NINL: variants seen among roughly 807,000 people sequenced by gnomAD.
The protein encoded by NINL is ninein like.
In NINL, 153 loss-of-function variants were observed where a neutral mutation model predicts 160.3. The observed-to-expected ratio is 0.95, with a 90% CI of 0.84 to 1.09. The LOEUF (loss-of-function observed/expected upper bound fraction) is 1.09. Ranked by LOEUF, NINL falls within the 50% of genes least tolerant of loss-of-function variation. The pLI is 0.00. For synonymous variants in NINL, 800 were observed against 734.8 expected, an observed-to-expected ratio of 1.09 and a Z score of -1.43; for missense variants, 1,829 against 1,764.0, an observed-to-expected ratio of 1.04 and a Z score of -0.66.
rs572182760 is a variant in NINL at position 25,518,706 on chromosome 20, C to T, written c.181-857G>A. On this transcript the variant is annotated intron_variant, in intron 2 of 23. Coordinates refer to ENST00000278886, the MANE Select transcript of NINL (RefSeq NM_025176.6). Reference sequence around the variant, plus strand: ...TTTACTGGATTTAAACTGACTATTTCGCTTTCTGCTTTCAATTTGACTTGC... The same window carrying T: ...TTTACTGGATTTAAACTGACTATTTTGCTTTCTGCTTTCAATTTGACTTGC... Among the ~76,000 whole-genome samples the T allele has an allele frequency of 3.3e-5, 5 of 152,234 alleles. No individual in the cohort carries two copies. In the East Asian group the frequency reaches 5.8e-4, roughly 18 times the overall value.
At chr20:25,515,797 GTCTC>G (rs1255827961) in intron 3 of NINL, among the ~76,000 whole-genome samples, 2 of 152,020 alleles carry the variant, frequency 1.3e-5, no homozygotes, top group Non-Finnish European at 2.9e-5. Flanking sequence ...TTGAGACAGA[GTCTC>G]TCTCTGTCAC....
chr20:25,578,110 G>T (rs563192056), intron 1 of NINL, among the ~76,000 whole-genome samples: 1 of 151,550 alleles, frequency 6.6e-6, no homozygotes, highest in East Asian at 2.0e-4. Flanking sequence ...GGGATTACAG[G>T]CGTGATTTTT....
chr20:25,537,889 C>T (rs999608919), intron 1 of NINL, among the ~76,000 whole-genome samples: 12 of 151,262 alleles, frequency 7.9e-5, no homozygotes, highest in African/African-American at 2.2e-4. Flanking sequence ...AACTGCACAC[C>T]TATACTTGCA....
At chr20:25,517,913 A>C in intron 2 of NINL, 64 bp from the exon 3 acceptor site, 1 of 993,310 alleles carries the variant, frequency 1.0e-6, no homozygotes. Context: ...TTCAAAAGTG[A>C]CTCTTTTGGA....
At chr20:25,555,804 A>G (rs924349551) in intron 1 of NINL, among the ~76,000 whole-genome samples, 6 of 152,144 alleles carry the variant, frequency 3.9e-5, no homozygotes, top group Non-Finnish European at 7.4e-5. Flanking sequence ...CCTCCCAAGT[A>G]CGTAGGATTA....
At chr20:25,504,676 G>C (rs1056184704) in intron 6 of NINL, among the ~76,000 whole-genome samples, 1 of 152,226 alleles carries the variant, frequency 6.6e-6, no homozygotes, top group African/African-American at 2.4e-5. Flanking sequence ...GCAGGGAGTC[G>C]GTGAGACTGG....
intron 13 of NINL, among the ~76,000 whole-genome samples, chr20:25,484,067 T>C (rs550856639): frequency 6.6e-6 from 1 of 152,282 alleles, no homozygotes; most frequent in Non-Finnish European, 1.5e-5. Flanking sequence ...AGAGGCCACG[T>C]GGAGAGGCCC....
chr20:25,465,085 C>T (rs928608694), intron 19 of NINL, among the ~76,000 whole-genome samples: 31 of 152,188 alleles, frequency 2.0e-4, no homozygotes, highest in African/African-American at 7.5e-4. Flanking sequence ...ACATCTGTGT[C>T]AAAATATGTT....
chr20:25,575,030 A>G (rs1207095132), intron 1 of NINL, among the ~76,000 whole-genome samples: 1 of 152,316 alleles, frequency 6.6e-6, no homozygotes, highest in East Asian at 1.9e-4. Context: ...AAGAAAAAAA[A>G]AGGTTTATCT....
chr20:25,457,051 C>G (rs930976062), intron 22 of NINL, among the ~76,000 whole-genome samples: 4 of 150,842 alleles, frequency 2.7e-5, no homozygotes, highest in Admixed American at 2.0e-4. Flanking sequence ...CAGGGCCGGG[C>G]GCAGTGGCTC....
At chr20:25,475,982 T>A in intron 17 of NINL, 61 bp downstream of exon 17, 1 of 1,524,062 alleles carries the variant, frequency 6.6e-7, no homozygotes, top group Non-Finnish European at 8.9e-7. Flanking sequence ...CAGGGGTCAG[T>A]GGGTTAGTTC....
rs1475163410 is a variant in NINL at position 25,500,891 on chromosome 20, G to C, written c.981C>G (p.Val327=). The change falls in exon 8 of 24, where the codon GTC becomes GTG. Residue 327 remains valine, a synonymous_variant. Coordinates refer to ENST00000278886, the MANE Select transcript of NINL (RefSeq NM_025176.6). The stretch of plus-strand genomic sequence containing the variant: ...TCCCCTCCTGGGTCCACATGGCCAG[G>C]ACCTGATCAGGAAAAGCGAAGCCAG... ...DGSGFAFPDQ[V]LAMWTQEGIQ... 6.2e-7 allele frequency: 1 copy of C among 1,614,070 alleles called. No homozygotes were observed. Among genetic ancestry groups the C allele is most frequent in the Non-Finnish European group, 8.5e-7 (1 of 1,180,058 alleles).
At chr20:25,554,218 C>T (rs116948922) in intron 1 of NINL, among the ~76,000 whole-genome samples, 2,585 of 152,158 alleles carry the variant, frequency 0.017, 26 homozygotes, top group Non-Finnish European at 0.027. Context: ...CTGCACTCTG[C>T]GGAGCATGGG....
In NINL at chr20:25,499,067, G is replaced by A. The variant is rs570283223; in HGVS notation, c.1033-721C>T. ...CTACAAACGCCCTGCTCAGGCCGGC[G>A]GCAGGCACCATGGCAGGGCGGCTGA... is the stretch of plus-strand genomic sequence containing the variant. On this transcript the variant is annotated intron_variant, in intron 8 of 23. Transcript: ENST00000278886. 1.5e-3 allele frequency: 1,516 copies of A among 985,454 alleles called. 4 individuals are homozygous for A. The highest frequency in any genetic ancestry group is 1.6e-3 in the Non-Finnish European group (1,341 of 829,940). The allele number at this position is 985,454 out of a possible 1,614,324, so 61.0% of individuals were successfully genotyped here.
intron 6 of NINL, 109 bp downstream of exon 6, chr20:25,504,779 A>G: frequency 8.9e-6 from 10 of 1,119,084 alleles, no homozygotes; most frequent in South Asian, 2.9e-5. Context: ...TAGATTAGAA[A>G]GTGATGCACC....
chr20:25,491,023 C>T (rs1001108281), intron 11 of NINL, among the ~76,000 whole-genome samples: 1 of 152,204 alleles, frequency 6.6e-6, no homozygotes, highest in African/African-American at 2.4e-5. Context: ...TCTTTGCTGC[C>T]CCCATGGGTG....
chr20:25,572,740 A>C (rs1568973767), intron 1 of NINL, among the ~76,000 whole-genome samples: 1 of 152,226 alleles, frequency 6.6e-6, no homozygotes, highest in Admixed American at 6.5e-5. Context: ...AAGTACAGGA[A>C]TTTGATATCC....
intron 1 of NINL, among the ~76,000 whole-genome samples, chr20:25,561,055 T>TCTCCACGGTCTCCCTCTCCCTCTCC (rs2064929668): frequency 1.6e-5 from 1 of 61,314 alleles, no homozygotes; most frequent in African/African-American, 7.7e-5. Context: ...TCTCCCTCTC[T>TCTCCACGGTCTCCCTCTCCCTCTCC]CTCTCTTTCC....
chr20:25,549,475 CTG>C lies in NINL; in HGVS notation c.-11-22879_-11-22878del, dbSNP rs537945410. 5.3e-3 allele frequency among the ~76,000 whole-genome samples: 803 copies of C among 152,400 alleles called. 8 individuals carry two copies. The highest frequency in any genetic ancestry group is 0.019 in the African/African-American group (779 of 41,598). On this transcript the variant is annotated intron_variant, in intron 1 of 23. Coordinates refer to ENST00000278886, the MANE Select transcript of NINL (RefSeq NM_025176.6). ...CCAGAATCCAAGCTCGTCCCAGACA[CTG>C]TCTCTCTGGCCGTTGCTCAGCATGG...
Sources: allele counts gnomAD v4.1 joint callset (sites outside exome capture counted in the v4.1 genomes callset), GRCh38; gene constraint gnomAD v4.1.1; transcripts MANE v1.5; gene names NCBI Gene and HGNC (gene_info 2026-07-23, HGNC 2026-07-21).